The following TENM4 variants were observed in gnomAD, a reference collection of about 807,000 sequenced individuals.
TENM4 encodes teneurin-4.
A neutral mutation model predicts 243.3 loss-of-function variants in TENM4; 82 were observed. The ratio of observed to expected loss-of-function variants is 0.34; its 90% CI spans 0.28 to 0.40. The LOEUF is 0.40. Among genes scored for constraint, TENM4 ranks in the 10% least tolerant of loss-of-function variants. TENM4 has a pLI of 1.00. For synonymous variants in TENM4, 1,412 were observed against 1,456.3 expected (o/e 0.97, Z 0.69); for missense variants, 3,138 against 3,673.3 (o/e 0.85, Z 3.77).
At chr11:79,334,735 A>C (rs887811559) in intron 1 of TENM4, among the ~76,000 whole-genome samples, 2 of 152,240 alleles carry the variant, frequency 1.3e-5, no homozygotes, top group African/African-American at 4.8e-5. Flanking sequence ...CAATCTTATG[A>C]TCTTGAACAA....
intron 4 of TENM4, among the ~76,000 whole-genome samples, chr11:79,094,614 G>C (rs1285906643): frequency 2.0e-5 from 3 of 152,208 alleles, no homozygotes; most frequent in Non-Finnish European, 2.9e-5. Flanking sequence ...GGCCCAGAGA[G>C]AGGTAGTCCT....
At chr11:78,984,256 G>A (rs577159203) in intron 6 of TENM4, among the ~76,000 whole-genome samples, 1 of 152,284 alleles carries the variant, frequency 6.6e-6, no homozygotes, top group East Asian at 1.9e-4. Flanking sequence ...CTCATGTAAG[G>A]CTTAGAGTAT....
chr11:79,162,880 G>T (rs1951605388), intron 3 of TENM4, among the ~76,000 whole-genome samples: 1 of 152,234 alleles, frequency 6.6e-6, no homozygotes, highest in South Asian at 2.1e-4. Context: ...CTGGTCAAGT[G>T]GACATGGGCC....
At chr11:79,086,685 T>A (rs1171020528) in intron 4 of TENM4, among the ~76,000 whole-genome samples, 1 of 151,814 alleles carries the variant, frequency 6.6e-6, no homozygotes, top group Admixed American at 6.6e-5. Context: ...AATAGAAAAA[T>A]TAGCTGGGTG....
At chr11:79,316,205 A>C (rs1331475272) in intron 1 of TENM4, among the ~76,000 whole-genome samples, 1 of 152,164 alleles carries the variant, frequency 6.6e-6, no homozygotes, top group Non-Finnish European at 1.5e-5. Flanking sequence ...GATACAAAAA[A>C]GAGAATGAAA....
chr11:78,921,964 C>A (rs1856457721), intron 6 of TENM4, among the ~76,000 whole-genome samples: 1 of 152,200 alleles, frequency 6.6e-6, no homozygotes, highest in Non-Finnish European at 1.5e-5. Flanking sequence ...CACTGAGCCT[C>A]CTGAAGGAGA....
intron 4 of TENM4, among the ~76,000 whole-genome samples, chr11:79,132,078 C>T (rs1591304938): frequency 6.6e-6 from 1 of 152,040 alleles, no homozygotes; most frequent in East Asian, 1.9e-4. Flanking sequence ...CATGGTGGCT[C>T]CTGCCTGGAA....
At chr11:78,826,209 T>A (rs1218785874) in intron 12 of TENM4, among the ~76,000 whole-genome samples, 1 of 147,342 alleles carries the variant, frequency 6.8e-6, no homozygotes, top group African/African-American at 2.5e-5. Flanking sequence ...TGCCTCAGCC[T>A]CCCAAGTAGC....
intron 1 of TENM4, among the ~76,000 whole-genome samples, chr11:79,363,598 T>C (rs1168550864): frequency 2.6e-5 from 4 of 152,210 alleles, no homozygotes; most frequent in South Asian, 2.1e-4. Flanking sequence ...GAGGGTTACA[T>C]GAGACAATGT....
At chr11:78,886,067 C>G (rs559634) in intron 9 of TENM4, among the ~76,000 whole-genome samples, 66,870 of 152,052 alleles carry the variant, frequency 0.44, 17,562 homozygotes, top group African/African-American at 0.74. Flanking sequence ...TGGTGGTGAG[C>G]TGATGCAATT....
chr11:78,766,765 C>T lies in TENM4; in HGVS notation c.2539+4227G>A, dbSNP rs144367218. On this transcript the variant is annotated intron_variant, in intron 18 of 33. Coordinates refer to ENST00000278550, the MANE Select transcript of TENM4 (RefSeq NM_001098816.3). ...TTGCCCTGGCTGGAGCGCAGAGGCA[C>T]AATCTCAGCTCACTGAAACCTCCGC... Among the ~76,000 whole-genome samples, 15 of 150,080 alleles carry T rather than the reference C, an allele frequency of 1.0e-4. No individual in the cohort carries two copies. In the East Asian group the frequency reaches 2.5e-3, roughly 25 times the overall value.
chr11:78,694,241 AT>A (rs1858899487), intron 28 of TENM4, among the ~76,000 whole-genome samples: 1 of 152,132 alleles, frequency 6.6e-6, no homozygotes, highest in Admixed American at 6.5e-5. Flanking sequence ...TATGACTTTC[AT>A]TTCTGATTGT....
At chr11:79,025,324 A>T (rs1420000526) in intron 6 of TENM4, among the ~76,000 whole-genome samples, 3 of 152,216 alleles carry the variant, frequency 2.0e-5, no homozygotes, top group African/African-American at 7.2e-5. Context: ...AGAAGGGGAC[A>T]TCTAGAGGCT....
intron 6 of TENM4, among the ~76,000 whole-genome samples, chr11:79,024,721 A>G (rs78192375): frequency 0.02 from 3,006 of 152,294 alleles, 168 homozygotes; most frequent in East Asian, 0.14. Context: ...GAATTATTAC[A>G]AAGAGTAATG....
chr11:79,069,002 G>C (rs1332311203), intron 5 of TENM4, among the ~76,000 whole-genome samples: 3 of 152,148 alleles, frequency 2.0e-5, no homozygotes, highest in Non-Finnish European at 2.9e-5. Context: ...TGGGTGAAGG[G>C]GGGTGGTTGT....
chr11:78,978,855 C>T (rs1857727336), intron 6 of TENM4, among the ~76,000 whole-genome samples: 1 of 152,006 alleles, frequency 6.6e-6, no homozygotes, highest in Admixed American at 6.6e-5. Context: ...GCTAACAAAA[C>T]AGGGTTTCTT....
chr11:78,955,424 C>G, intron 6 of TENM4, among the ~76,000 whole-genome samples: 1 of 152,192 alleles, frequency 6.6e-6, no homozygotes, highest in Admixed American at 6.5e-5. Context: ...CTGGTGTCCA[C>G]AAGGGATCCA....
At chr11:79,295,922 CACACACACA>C in intron 2 of TENM4, among the ~76,000 whole-genome samples, 1 of 150,778 alleles carries the variant, frequency 6.6e-6, no homozygotes, top group African/African-American at 2.4e-5. Flanking sequence ...CACACACACA[CACACACACA>C]CTCCCCCAAA....
rs535215260 is a variant in TENM4, at chr11:78,666,238, T to C, written c.7408+2699A>G. Among the ~76,000 whole-genome samples, 61 of 152,372 alleles carry C rather than the reference T, an allele frequency of 4.0e-4. 1 individual carries two copies. In the South Asian group the frequency reaches 0.013, roughly 32 times the overall value. On this transcript the variant is annotated intron_variant, in intron 32 of 33. Coordinates refer to ENST00000278550, the MANE Select transcript of TENM4 (RefSeq NM_001098816.3). ...TTGCACACCATGGGTTTTCAAACTGTAGGATATGACCCACTATGCAATGAA... is the reference window on the plus strand; with the variant it reads ...TTGCACACCATGGGTTTTCAAACTGCAGGATATGACCCACTATGCAATGAA...
Sources: gnomAD v4.1 joint callset for allele counts (sites outside exome capture counted in the v4.1 genomes callset) on GRCh38, gnomAD v4.1.1 for gene constraint, MANE v1.5 for transcripts, NCBI Gene and HGNC (gene_info 2026-07-23, HGNC 2026-07-21) for gene names.